Variants in WDCP observed in about 807,000 individuals in gnomAD.
The protein encoded by WDCP is WD repeat and coiled-coil-containing protein.
Under a neutral mutation model 41.6 loss-of-function variants are expected in WDCP, and 19 were observed. That is an observed-to-expected ratio of 0.46 (90% confidence interval 0.32 to 0.67). The LOEUF is 0.67. WDCP is among the 30% of genes least tolerant of loss of function. The pLI is 0.04. For synonymous variants in WDCP, 302 were observed against 320.8 expected, an observed-to-expected ratio of 0.94 and a Z score of 0.63; for missense variants, 802 against 850.7, an observed-to-expected ratio of 0.94 and a Z score of 0.71.
rs2150951160 is a variant in WDCP at position 24,038,815 on chromosome 2, T to C, written c.680A>G (p.Lys227Arg). ...TTCAGATGCATTTAAGCCACAGATC[T>C]TATCCAATGGAAGCTCAGTAGCTAT... ...VAIATELPLD[K>R]ICGLNASETF... Residue 227 changes from lysine (K) to arginine (R), a missense_variant, in exon 2 of 4, where the codon AAG becomes AGG. By Grantham distance (26) the Lys-to-Arg change is conservative (BLOSUM62 2). Around this residue, in one of 5 missense-constraint regions of WDCP, gnomAD observed 247 missense variants for 240.5 expected, o/e 1.03. Coordinates refer to ENST00000295148, the MANE Select transcript of WDCP (RefSeq NM_025203.3). 3.1e-6 allele frequency: 5 copies of C among 1,614,214 alleles called. No homozygotes were observed. Among genetic ancestry groups the C allele is most frequent in the Non-Finnish European group, 3.4e-6 (4 of 1,180,040 alleles).
chr2:24,038,226 G>A lies in WDCP; in HGVS notation c.1269C>T (p.Ala423=), dbSNP rs1212468741. ...TTATTTCTCTAACAATCAAGCTAATGGCATACTGATCAGACTTTGAAGAAG... is the reference window on the plus strand; with the variant it reads ...TTATTTCTCTAACAATCAAGCTAATAGCATACTGATCAGACTTTGAAGAAG... ...FLPSSKSDQY[A]ISLIVREIML... is the part of the protein sequence containing the mutation. Residue 423 remains alanine, a synonymous_variant, in exon 2 of 4, where the codon GCC becomes GCT. Coordinates refer to ENST00000295148, the MANE Select transcript of WDCP (RefSeq NM_025203.3). The A allele has an allele frequency of 3.7e-6, 6 of 1,613,978 alleles. No homozygotes were observed. In the African/African-American group the frequency reaches 8.0e-5, roughly 22 times the overall value.
Position 24,038,103 on chromosome 2 carries a change from A to C in WDCP, c.1392T>G (p.Ile464Met). The change falls in exon 2 of 4, where the codon ATT (isoleucine) becomes ATG (methionine). Residue 464 changes from isoleucine (I) to methionine (M), a missense_variant. Transcript: ENST00000295148. ...GACAAAAATCTGGGGAAAGACTTTC[A>C]ATTAACTTTTTTCTATTTGCTTTAT... is the stretch of plus-strand genomic sequence containing the variant. The part of the protein sequence containing the change: ...PLNKANRKKL[I>M]ESLSPDFCHQ... 6.2e-7 allele frequency: 1 copy of C among 1,614,212 alleles called. No homozygotes were observed. The highest frequency in any genetic ancestry group is 8.5e-7 in the Non-Finnish European group (1 of 1,180,038).
At chr2:24,041,316 G>A (rs1663423509) in intron 1 of WDCP, among the ~76,000 whole-genome samples, 1 of 150,616 alleles carries the variant, frequency 6.6e-6, no homozygotes, top group African/African-American at 2.4e-5. Flanking sequence ...TTCAGCCTGG[G>A]CGACAGGAGC....
intron 2 of WDCP, among the ~76,000 whole-genome samples, chr2:24,034,975 C>G (rs1033891644): frequency 2.0e-5 from 3 of 150,930 alleles, no homozygotes; most frequent in Non-Finnish European, 4.4e-5. Flanking sequence ...AGTAAAATAG[C>G]CTATTTAAAG....
chr2:24,036,101 T>TAAATA (rs1041955736), intron 2 of WDCP, among the ~76,000 whole-genome samples: 10 of 148,286 alleles, frequency 6.7e-5, no homozygotes, highest in Admixed American at 4.0e-4. Flanking sequence ...AATAAATAAA[T>TAAATA]AAATAAAATA....
chr2:24,032,934 G>C lies in WDCP; in HGVS notation c.1831C>G (p.Leu611Val). The change falls in exon 3 of 4, where the codon CTA becomes GTA. Residue 611 changes from leucine to valine, a missense_variant. Transcript: ENST00000295148. ...VHIIYQKPYYLGPVVEKRAVL... is the reference protein window; with the variant it reads ...VHIIYQKPYYVGPVVEKRAVL... Reference sequence around the variant, plus strand: ...GCTCTTTTTTCAACAACAGGACCTAGATAATAAGGTTTCTGCAAATAAAAA... The same window carrying C: ...GCTCTTTTTTCAACAACAGGACCTACATAATAAGGTTTCTGCAAATAAAAA... 6.3e-7 allele frequency: 1 copy of C among 1,598,522 alleles called. No individual in the cohort carries two copies. Among genetic ancestry groups the C allele is most frequent in the Non-Finnish European group, 8.6e-7 (1 of 1,166,046 alleles).
At chr2:24,039,617 G>A (rs918692330) in intron 1 of WDCP, 105 bp from the exon 2 acceptor site, 20 of 981,312 alleles carry the variant, frequency 2.0e-5, no homozygotes, top group Non-Finnish European at 2.8e-5. Flanking sequence ...GGTTAATAAT[G>A]TGGAGAGACA....
Position 24,038,699 on chromosome 2 carries a change from C to T in WDCP, c.796G>A (p.Asp266Asn), listed in dbSNP as rs1166910848. 1.9e-6 allele frequency: 3 copies of T among 1,614,072 alleles called. No individual in the cohort carries two copies. The highest frequency in any genetic ancestry group is 2.5e-6 in the Non-Finnish European group (3 of 1,180,020). ...GATACTTCAGAATTTGTTTCAGAAT[C>T]AGTTGCCTCTTTATCCATAGAGCGT... is the stretch of plus-strand genomic sequence containing the variant. ...EVRSMDKEAT[D>N]SETNSEVSVS... Residue 266 changes from aspartate (D) to asparagine (N), a missense_variant, in exon 2 of 4, where the codon GAT (aspartate) becomes AAT (asparagine). Asp to Asn is a conservative substitution (Grantham distance 23). Around this residue, in one of 5 missense-constraint regions of WDCP, gnomAD observed 247 missense variants for 240.5 expected, o/e 1.03. Transcript: ENST00000295148.
intron 1 of WDCP, among the ~76,000 whole-genome samples, chr2:24,042,452 C>T (rs1428728662): frequency 1.4e-5 from 2 of 147,770 alleles, no homozygotes; most frequent in Middle Eastern, 3.3e-3. Flanking sequence ...AGGAGAATGG[C>T]GTGAACCCTG....
chr2:24,037,783 A>G lies in WDCP; in HGVS notation c.1712T>C (p.Met571Thr), dbSNP rs773013311. The G allele has an allele frequency of 3.7e-5, 59 of 1,614,142 alleles. No individual in the cohort carries two copies. The Middle Eastern group carries it at 4.9e-4, about 13-fold the overall frequency. The stretch of plus-strand genomic sequence containing the variant: ...TGTAAGTTCAGAAAGACACCGTTGC[A>G]TTTCAACCAGGTTCCTAGATAAAAT... ...VEILSRNLVEMQRCLSELTNR... is the reference protein window; with the variant it reads ...VEILSRNLVETQRCLSELTNR... Residue 571 changes from methionine (M) to threonine (T), a missense_variant, in exon 2 of 4, where the codon ATG becomes ACG. Physicochemically the swap from Met to Thr is moderately conservative, Grantham distance 81 (BLOSUM62 -1). Coordinates refer to ENST00000295148, the MANE Select transcript of WDCP (RefSeq NM_025203.3).
Position 24,039,262 on chromosome 2 carries a change from G to A in WDCP, c.233C>T (p.Ala78Val), listed in dbSNP as rs1218215086. 4.3e-6 allele frequency: 7 copies of A among 1,614,136 alleles called. No homozygotes were observed. In the South Asian group the frequency reaches 6.6e-5, roughly 15 times the overall value. Residue 78 changes from alanine to valine, a missense_variant, in exon 2 of 4, where the codon GCT (alanine) becomes GTT (valine). Coordinates refer to ENST00000295148, the MANE Select transcript of WDCP (RefSeq NM_025203.3). Reference protein sequence around the residue: ...PVADDTPVLLAVQHEKHVTVW... With the variant: ...PVADDTPVLLVVQHEKHVTVW... ...AGTGACATGCTTCTCATGCTGGACA[G>A]CGAGTAGAACAGGTGTATCATCTGC...
intron 1 of WDCP, among the ~76,000 whole-genome samples, chr2:24,045,556 G>A (rs1016914167): frequency 6.9e-5 from 10 of 145,376 alleles, no homozygotes; most frequent in Admixed American, 2.8e-4. Flanking sequence ...AGCCGAGTTT[G>A]CGCCACTGCA....
intron 3 of WDCP, among the ~76,000 whole-genome samples, chr2:24,031,936 A>G (rs527301386): frequency 6.6e-6 from 1 of 152,124 alleles, no homozygotes; most frequent in Non-Finnish European, 1.5e-5. Context: ...GTTGTTATAC[A>G]CTGCTTTGTA....
Position 24,030,020 on chromosome 2 carries a change from G to C in WDCP, c.*913C>G, listed in dbSNP as rs1224306128. The C allele has an allele frequency of 6.6e-6, 1 of 152,426 alleles. No homozygotes were observed. Among genetic ancestry groups the C allele is most frequent in the African/African-American group, 2.4e-5 (1 of 41,372 alleles). 9.4% of individuals were successfully genotyped at this position (152,426 alleles called of 1,614,324 possible). On this transcript the variant is annotated 3_prime_UTR_variant, in exon 4 of 4. Transcript: ENST00000295148. Reference sequence around the variant, plus strand: ...TACTTTCTCTCACAGATTCTCTGCTGGTCTCTAAGACTTAAAAGGAGAGAA... The same window carrying C: ...TACTTTCTCTCACAGATTCTCTGCTCGTCTCTAAGACTTAAAAGGAGAGAA...
chr2:24,045,405 C>CA (rs1292213309), intron 1 of WDCP, among the ~76,000 whole-genome samples: 3 of 151,788 alleles, frequency 2.0e-5, no homozygotes, highest in Non-Finnish European at 4.4e-5. Flanking sequence ...AGTTCGACAC[C>CA]ACCCTGGCCA....
Position 24,038,850 on chromosome 2 carries a change from T to A in WDCP, c.645A>T (p.Ser215=). ...GAAGCTCAGTAGCTATAGCAACCTGTGAGTCCACAGTTGCTGTGATGGAGC... is the reference window on the plus strand; with the variant it reads ...GAAGCTCAGTAGCTATAGCAACCTGAGAGTCCACAGTTGCTGTGATGGAGC... The part of the protein sequence containing the change: ...HVCSITATVD[S]QVAIATELPL... The change falls in exon 2 of 4, where the codon TCA becomes TCT. Residue 215 remains serine, a synonymous_variant. Coordinates refer to ENST00000295148, the MANE Select transcript of WDCP (RefSeq NM_025203.3). The A allele has an allele frequency of 1.2e-6, 2 of 1,614,122 alleles. No homozygotes were observed. The highest frequency in any genetic ancestry group is 1.7e-6 in the Non-Finnish European group (2 of 1,179,938).
chr2:24,034,077 T>A (rs745618675), intron 2 of WDCP, among the ~76,000 whole-genome samples: 8 of 152,256 alleles, frequency 5.3e-5, no homozygotes, highest in African/African-American at 1.7e-4. Context: ...TTGATTATTG[T>A]GTAACTTTTA....
chr2:24,032,474 G>C (rs1030039042), intron 3 of WDCP, among the ~76,000 whole-genome samples: 2 of 152,140 alleles, frequency 1.3e-5, no homozygotes, highest in African/African-American at 2.4e-5. Context: ...TGTACTCCAG[G>C]ACCGGGTGGC....
At chr2:24,041,576 C>CAA (rs1184533154) in intron 1 of WDCP, among the ~76,000 whole-genome samples, 1 of 151,914 alleles carries the variant, frequency 6.6e-6, no homozygotes, top group African/African-American at 2.4e-5. Flanking sequence ...CCAGCACTTA[C>CAA]ACCCATTACA....
Sources: gnomAD v4.1 joint callset for allele counts (sites outside exome capture counted in the v4.1 genomes callset) on GRCh38, gnomAD v4.1.1 for gene constraint, gnomAD v4.1.1 regional missense constraint, MANE v1.5 for transcripts, NCBI Gene and HGNC (gene_info 2026-07-23, HGNC 2026-07-21) for gene names.